Variants in PEBP4 observed in about 807,000 individuals in gnomAD.
PEBP4 encodes the protein phosphatidylethanolamine binding protein 4, also known as phosphatidylethanolamine-binding protein 4.
In PEBP4, 22 loss-of-function variants were observed where a neutral mutation model predicts 23.9. The observed-to-expected ratio is 0.92, with a 90% CI of 0.66 to 1.31. PEBP4 has a LOEUF of 1.31. PEBP4 is among the 40% of genes most tolerant of loss of function. PEBP4 has a pLI of 0.00. For synonymous variants in PEBP4, 112 were observed against 99.3 expected, an observed-to-expected ratio of 1.13 and a Z score of -0.76; for missense variants, 324 against 281.7, an observed-to-expected ratio of 1.15 and a Z score of -1.07.
chr8:22,717,600 G>C (rs1388486936), intron 6 of PEBP4, among the ~76,000 whole-genome samples: 1 of 152,224 alleles, frequency 6.6e-6, no homozygotes, highest in Admixed American at 6.5e-5. Context: ...CTGAGACCTT[G>C]AGGTTGGAGC....
At chr8:22,906,777 C>T (rs144120733) in intron 3 of PEBP4, among the ~76,000 whole-genome samples, 4 of 152,340 alleles carry the variant, frequency 2.6e-5, no homozygotes, top group African/African-American at 7.2e-5. Context: ...TGAGACTGTT[C>T]GAATGCTTGG....
intron 4 of PEBP4, among the ~76,000 whole-genome samples, chr8:22,765,768 A>G (rs1017083014): frequency 2.6e-5 from 4 of 152,160 alleles, no homozygotes; most frequent in African/African-American, 9.7e-5. Flanking sequence ...ACAGAGAGAG[A>G]TCACCACCAT....
At chr8:22,751,479 A>G (rs898844744) in intron 4 of PEBP4, among the ~76,000 whole-genome samples, 1 of 152,188 alleles carries the variant, frequency 6.6e-6, no homozygotes, top group Non-Finnish European at 1.5e-5. Flanking sequence ...AGGTGAATGT[A>G]TCAATGTGGA....
intron 3 of PEBP4, among the ~76,000 whole-genome samples, chr8:22,911,901 A>C (rs994430890): frequency 4.6e-5 from 7 of 152,222 alleles, no homozygotes; most frequent in African/African-American, 1.7e-4. Flanking sequence ...TTGATCTGAG[A>C]AACATCTGGA....
intron 4 of PEBP4, among the ~76,000 whole-genome samples, chr8:22,774,172 G>A (rs1585265328): frequency 6.6e-6 from 1 of 152,210 alleles, no homozygotes; most frequent in East Asian, 1.9e-4. Flanking sequence ...AACTGGATCT[G>A]CCTCTTGCTG....
intron 4 of PEBP4, among the ~76,000 whole-genome samples, chr8:22,730,431 T>G (rs1023364594): frequency 2.4e-4 from 36 of 152,244 alleles, no homozygotes; most frequent in African/African-American, 8.7e-4. Flanking sequence ...GTCTCAGCTA[T>G]TCAGGGGACT....
At chr8:22,735,385 A>G (rs1186169205) in intron 4 of PEBP4, among the ~76,000 whole-genome samples, 1 of 152,186 alleles carries the variant, frequency 6.6e-6, no homozygotes, top group Non-Finnish European at 1.5e-5. Context: ...AAGATAAAGG[A>G]GATTTCTCTT....
chr8:22,866,221 A>T (rs567017422), intron 3 of PEBP4, among the ~76,000 whole-genome samples: 3 of 152,332 alleles, frequency 2.0e-5, no homozygotes, highest in Admixed American at 2.0e-4. Flanking sequence ...AGCCTGCGTT[A>T]GCTAATATAT....
intron 4 of PEBP4, among the ~76,000 whole-genome samples, chr8:22,750,643 T>G (rs1159787465): frequency 1.3e-5 from 2 of 152,098 alleles, no homozygotes; most frequent in African/African-American, 4.8e-5. Context: ...TTTTTTTCCT[T>G]GACTATTCTC....
chr8:22,806,833 T>A (rs185465246), intron 4 of PEBP4, among the ~76,000 whole-genome samples: 2 of 152,240 alleles, frequency 1.3e-5, no homozygotes, highest in Non-Finnish European at 2.9e-5. Context: ...CTTGTTCTAA[T>A]GCCTGGCTCA....
chr8:22,785,275 A>G (rs1205279297), intron 4 of PEBP4, among the ~76,000 whole-genome samples: 1 of 152,210 alleles, frequency 6.6e-6, no homozygotes, highest in African/African-American at 2.4e-5. Flanking sequence ...GCTGTCTTCA[A>G]CCAAGGATAC....
chr8:22,844,255 T>C (rs1427131015), intron 3 of PEBP4, among the ~76,000 whole-genome samples: 1 of 152,214 alleles, frequency 6.6e-6, no homozygotes, highest in African/African-American at 2.4e-5. Flanking sequence ...TTTATTTATT[T>C]TGAGACAGAG....
At chr8:22,741,954 C>T (rs1805004603) in intron 4 of PEBP4, among the ~76,000 whole-genome samples, 1 of 152,150 alleles carries the variant, frequency 6.6e-6, no homozygotes, top group African/African-American at 2.4e-5. Flanking sequence ...GAGGGAGGGA[C>T]CCAAAGAGGA....
At chr8:22,726,247 G>A (rs1804621857) in intron 5 of PEBP4, among the ~76,000 whole-genome samples, 1 of 152,210 alleles carries the variant, frequency 6.6e-6, no homozygotes, top group African/African-American at 2.4e-5. Flanking sequence ...GAGCACAGGT[G>A]GGTGCCAGGG....
intron 4 of PEBP4, among the ~76,000 whole-genome samples, chr8:22,802,899 T>G (rs1379785906): frequency 6.6e-6 from 1 of 152,106 alleles, no homozygotes; most frequent in Non-Finnish European, 1.5e-5. Context: ...ACCTCCCTGT[T>G]TCTGTTTGTA....
intron 6 of PEBP4, among the ~76,000 whole-genome samples, chr8:22,719,811 G>T (rs1024946757): frequency 6.6e-6 from 1 of 152,166 alleles, no homozygotes; most frequent in African/African-American, 2.4e-5. Flanking sequence ...CAGGGTGGCT[G>T]GTGGAGAGGC....
chr8:22,716,579 T>C (rs1204902209), intron 6 of PEBP4, among the ~76,000 whole-genome samples: 1 of 152,212 alleles, frequency 6.6e-6, no homozygotes, highest in East Asian at 1.9e-4. Context: ...GGGCAGGTCT[T>C]GACAGTCACT....
intron 1 of PEBP4, among the ~76,000 whole-genome samples, chr8:22,940,299 C>T (rs1216424993): frequency 6.6e-6 from 1 of 152,136 alleles, no homozygotes. Context: ...TGAGGCTCAT[C>T]GCAGCCCAAA....
intron 3 of PEBP4, chr8:22,884,586 C>A (rs1585323771): frequency 6.6e-6 from 1 of 152,266 alleles, no homozygotes. Context: ...CTTGAGAGCA[C>A]CAAGAGGGGG....
Sources: allele counts gnomAD v4.1 joint callset (sites outside exome capture counted in the v4.1 genomes callset), GRCh38; gene constraint gnomAD v4.1.1; transcripts MANE v1.5; gene names NCBI Gene and HGNC (gene_info 2026-07-23, HGNC 2026-07-21).